GSE1: variants seen among roughly 807,000 people sequenced by gnomAD.
GSE1 encodes the protein genetic suppressor element 1.
In GSE1, 32 loss-of-function variants were observed where a neutral mutation model predicts 112.6. The ratio of observed to expected loss-of-function variants is 0.28; its 90% CI spans 0.21 to 0.38. The LOEUF (loss-of-function observed/expected upper bound fraction) is 0.38, where lower values mean the gene tolerates loss of function less well. Among genes scored for constraint, GSE1 ranks in the 10% least tolerant of loss-of-function variants. The probability of loss-of-function intolerance (pLI) is 1.00; values close to 1 mark genes in which losing one functional copy is unlikely to be tolerated. For synonymous variants in GSE1, 1,115 were observed against 735.6 expected, an observed-to-expected ratio of 1.52 and a Z score of -8.35; for missense variants, 2,348 against 1,699.2, an observed-to-expected ratio of 1.38 and a Z score of -6.71.
chr16:85,602,224 G>GC (rs141725379), intron 1 of GSE1, among the ~76,000 whole-genome samples: 3,116 of 152,288 alleles, frequency 0.02, 104 homozygotes, highest in African/African-American at 0.07. Context: ...CGCCCAGGGG[G>GC]TTGCCTGGAG....
chr16:85,480,917 G>A (rs2050658554), intron 2 of GSE1, among the ~76,000 whole-genome samples: 2 of 152,198 alleles, frequency 1.3e-5, no homozygotes, highest in African/African-American at 4.8e-5. Flanking sequence ...AGCAAGCACC[G>A]GCGGTGCCCC....
At chr16:85,496,892 G>A (rs1025945383) in intron 2 of GSE1, among the ~76,000 whole-genome samples, 3 of 133,584 alleles carry the variant, frequency 2.2e-5, no homozygotes, top group Non-Finnish European at 4.8e-5. Flanking sequence ...CTTTTGGTCT[G>A]GGTCTTTGTT....
At chr16:85,422,199 G>T (rs2048861291) in intron 2 of GSE1, among the ~76,000 whole-genome samples, 1 of 152,114 alleles carries the variant, frequency 6.6e-6, no homozygotes, top group Non-Finnish European at 1.5e-5. Context: ...TGCAGCCACA[G>T]CTTCTTCTAA....
intron 9 of GSE1, 147 bp downstream of exon 9, chr16:85,661,912 T>G (rs932605649): frequency 2.7e-6 from 2 of 738,932 alleles, no homozygotes; most frequent in Non-Finnish European, 4.3e-6. Context: ...TGCACTGGCT[T>G]CTTTGTAGCA....
chr16:85,671,875 C>T (rs546547139), intron 15 of GSE1: 1 of 159,712 alleles, frequency 6.3e-6, no homozygotes, highest in East Asian at 1.9e-4. Flanking sequence ...AAGCAGGTCT[C>T]AGATCACTCC....
intron 1 of GSE1, among the ~76,000 whole-genome samples, chr16:85,316,872 G>T (rs913731058): frequency 6.6e-6 from 1 of 152,194 alleles, no homozygotes; most frequent in Non-Finnish European, 1.5e-5. Flanking sequence ...AGCCCCTCAG[G>T]GCACAGGGTA....
chr16:85,548,670 A>G (rs185233527), intron 2 of GSE1, among the ~76,000 whole-genome samples: 8 of 152,272 alleles, frequency 5.3e-5, no homozygotes, highest in East Asian at 1.9e-4. Flanking sequence ...GGTTGATTCC[A>G]TGTTTTGGCT....
chr16:85,645,498 G>T (rs4384624), intron 2 of GSE1, among the ~76,000 whole-genome samples: 1 of 152,140 alleles, frequency 6.6e-6, no homozygotes, highest in African/African-American at 2.4e-5. Flanking sequence ...CCTCGGGACA[G>T]GGCAGCTGCC....
chr16:85,587,757 C>T (rs543526187), intron 1 of GSE1, among the ~76,000 whole-genome samples: 11 of 152,192 alleles, frequency 7.2e-5, no homozygotes, highest in South Asian at 6.2e-4. Flanking sequence ...TCTGGGTTGG[C>T]GGATAAAATG....
At chr16:85,574,445 C>T (rs1373412172) in intron 1 of GSE1, among the ~76,000 whole-genome samples, 1 of 152,194 alleles carries the variant, frequency 6.6e-6, no homozygotes, top group Non-Finnish European at 1.5e-5. Context: ...GCTATCCCAT[C>T]AAAACCCGAG....
chr16:85,261,908 C>G (rs1009225144), intron 1 of GSE1, among the ~76,000 whole-genome samples: 1 of 152,146 alleles, frequency 6.6e-6, no homozygotes, highest in Non-Finnish European at 1.5e-5. Flanking sequence ...GCTAAACCCT[C>G]GTGTGTATCC....
At chr16:85,261,137 A>G (rs1400681593) in intron 1 of GSE1, among the ~76,000 whole-genome samples, 1 of 152,208 alleles carries the variant, frequency 6.6e-6, no homozygotes, top group African/African-American at 2.4e-5. Flanking sequence ...AAGGCTGCCC[A>G]GGGTCTGGGC....
chr16:85,304,739 G>C (rs2045628795), intron 1 of GSE1, among the ~76,000 whole-genome samples: 1 of 152,162 alleles, frequency 6.6e-6, no homozygotes, highest in Admixed American at 6.5e-5. Context: ...AGATGGCAGA[G>C]ACAGGCCAGG....
intron 2 of GSE1, among the ~76,000 whole-genome samples, chr16:85,462,691 G>A (rs1413151879): frequency 7.7e-6 from 1 of 130,698 alleles, no homozygotes; most frequent in East Asian, 2.4e-4. Flanking sequence ...GGCGGCGGGG[G>A]CGCCGCGGCG....
At chr16:85,196,133 C>T (rs867447729) in intron 1 of GSE1, among the ~76,000 whole-genome samples, 7 of 152,094 alleles carry the variant, frequency 4.6e-5, no homozygotes, top group Non-Finnish European at 7.4e-5. Context: ...TGCTGCCAAA[C>T]GAGTTAAGAA....
At chr16:85,562,564 T>C (rs2045570352) in intron 1 of GSE1, among the ~76,000 whole-genome samples, 1 of 152,232 alleles carries the variant, frequency 6.6e-6, no homozygotes, top group South Asian at 2.1e-4. Flanking sequence ...CGTGTCCTTC[T>C]ACGCAGGGGA....
At chr16:85,542,549 G>A (rs558921806) in intron 2 of GSE1, among the ~76,000 whole-genome samples, 10 of 152,358 alleles carry the variant, frequency 6.6e-5, no homozygotes, top group East Asian at 1.9e-4. Flanking sequence ...GAGCTGAAGC[G>A]GAGATGCTTC....
chr16:85,383,527 G>GTCTCTC (rs55919597), intron 2 of GSE1, among the ~76,000 whole-genome samples: 5 of 130,864 alleles, frequency 3.8e-5, no homozygotes, highest in African/African-American at 5.2e-5. Context: ...GCACACCTGC[G>GTCTCTC]TCTCTCTCTC....
exon 1 of GSE1, chr16:85,171,279 C>T (rs1432415763): frequency 1.1e-5 from 11 of 985,488 alleles, no homozygotes; most frequent in African/African-American, 1.7e-5. Flanking sequence ...CGGCGTCGGC[C>T]CAGGGCGGCC....
Sources: gnomAD v4.1 joint callset for allele counts (sites outside exome capture counted in the v4.1 genomes callset) on GRCh38, gnomAD v4.1.1 for gene constraint, MANE v1.5 for transcripts, NCBI Gene and HGNC (gene_info 2026-07-23, HGNC 2026-07-21) for gene names.